Variants in DNAH8 observed in about 807,000 individuals in gnomAD.
DNAH8 encodes axonemal beta dynein heavy chain 8.
A neutral mutation model predicts 562.1 loss-of-function variants in DNAH8; 382 were observed. The ratio of observed to expected loss-of-function variants is 0.68; its 90% CI spans 0.63 to 0.74. The LOEUF (loss-of-function observed/expected upper bound fraction) is 0.74. DNAH8 is among the 30% of genes least tolerant of loss of function. The probability of loss-of-function intolerance (pLI) is 0.00; values close to 1 mark genes in which losing one functional copy is unlikely to be tolerated. For missense variants in DNAH8, 5,203 were observed against 5,620.4 expected (o/e 0.93, Z 2.37); for synonymous variants, 1,881 against 1,919.4 (o/e 0.98, Z 0.52).
At chr6:38,726,579 G>A (rs1241386458) in intron 3 of DNAH8, among the ~76,000 whole-genome samples, 1 of 152,226 alleles carries the variant, frequency 6.6e-6, no homozygotes, top group Admixed American at 6.5e-5. Context: ...CATTAAGGAA[G>A]AATCAAGCTG....
chr6:39,029,847 C>T (rs528792697), intron 92 of DNAH8, among the ~76,000 whole-genome samples: 28 of 152,264 alleles, frequency 1.8e-4, no homozygotes, highest in African/African-American at 6.3e-4. Context: ...AAGCCTGTTG[C>T]TCAGGGAGGC....
At chr6:39,001,362 C>T (rs1431300378) in intron 88 of DNAH8, among the ~76,000 whole-genome samples, 2 of 151,958 alleles carry the variant, frequency 1.3e-5, no homozygotes, top group Non-Finnish European at 2.9e-5. Flanking sequence ...TCATCATGTA[C>T]AGAATGACAA....
chr6:39,017,122 G>A (rs1292793999), intron 91 of DNAH8, among the ~76,000 whole-genome samples: 3 of 152,140 alleles, frequency 2.0e-5, no homozygotes, highest in African/African-American at 7.2e-5. Flanking sequence ...TCTGTGTGTG[G>A]ATTTGTCTCC....
At chr6:39,009,107 A>G (rs186430869) in intron 89 of DNAH8, 137 bp downstream of exon 89, 3 of 570,374 alleles carry the variant, frequency 5.3e-6, no homozygotes, top group Admixed American at 2.9e-5. Context: ...TTTTGACTAT[A>G]TTACTAAACT....
chr6:38,868,240 T>C, intron 48 of DNAH8, 44 bp downstream of exon 48: 1 of 1,561,054 alleles, frequency 6.4e-7, no homozygotes, highest in Non-Finnish European at 8.7e-7. Context: ...TTTAATATTG[T>C]TTCTTTCTAT....
Position 38,715,953 on chromosome 6 carries a change from TATATATA to T in DNAH8, c.-35+539_-35+545del, listed in dbSNP as rs1335842963. Among the ~76,000 whole-genome samples, 131 of 29,232 alleles carry T rather than the reference TATATATA, an allele frequency of 4.5e-3. 6 individuals carry two copies. Among genetic ancestry groups the T allele is most frequent in the South Asian group, 0.019 (15 of 806 alleles). The allele number at this position is 29,232 out of a possible 152,430, so 19.2% of individuals were successfully genotyped here. A position where few individuals can be genotyped will look rare whatever the true frequency, so the allele number is the denominator to read the frequency against. On this transcript the variant is annotated intron_variant, in intron 1 of 92. Transcript: ENST00000327475. Reference sequence around the variant, plus strand: ...ATATATATATATATATATATATATATATATATATTTTTTTTTTTTTTTTGAGACGGAG... The same window carrying T: ...ATATATATATATATATATATATATATTTTTTTTTTTTTTTTTGAGACGGAG...
rs201039935 is a variant in DNAH8 at position 38,923,153 on chromosome 6, G to C, written c.10758G>C (p.Gln3586His). 3.7e-6 allele frequency: 6 copies of C among 1,613,620 alleles called. No homozygotes were observed. The highest frequency in any genetic ancestry group is 1.3e-5 in the African/African-American group (1 of 74,902). ...GTGGAGAAAAAATCCGGTGGACCCA[G>C]CAAAGTAAAGAATTCAAAGCTCAGA... ...GLSGEKIRWTQQSKEFKAQIN... is the reference protein window; with the variant it reads ...GLSGEKIRWTHQSKEFKAQIN... The change falls in exon 72 of 93, where the codon CAG becomes CAC. Residue 3586 changes from glutamine to histidine, a missense_variant. Around this residue, in one of 6 missense-constraint regions of DNAH8, gnomAD observed 1,399 missense variants for 1,518.4 expected, o/e 0.92. Transcript: ENST00000327475.
At chr6:38,728,956 G>A (rs557010386) in intron 3 of DNAH8, among the ~76,000 whole-genome samples, 10 of 152,122 alleles carry the variant, frequency 6.6e-5, no homozygotes, top group African/African-American at 9.6e-5. Context: ...CTATAATCCC[G>A]GCATTTTGGG....
At chr6:38,841,635 A>T (rs762967168) in intron 33 of DNAH8, among the ~76,000 whole-genome samples, 3 of 152,168 alleles carry the variant, frequency 2.0e-5, no homozygotes, top group Non-Finnish European at 4.4e-5. Context: ...TGAGTGGTCA[A>T]TTTGGTGTTT....
intron 82 of DNAH8, among the ~76,000 whole-genome samples, chr6:38,959,871 A>T (rs1488872988): frequency 6.6e-6 from 1 of 152,108 alleles, no homozygotes; most frequent in East Asian, 1.9e-4. Context: ...AAAATGTACT[A>T]CAAAGCAATA....
At chr6:38,991,779 CCCT>C (rs1382239334) in intron 88 of DNAH8, among the ~76,000 whole-genome samples, 1 of 152,174 alleles carries the variant, frequency 6.6e-6, no homozygotes, top group East Asian at 1.9e-4. Flanking sequence ...CCTGGAACCT[CCCT>C]CCTCCTAGAT....
intron 88 of DNAH8, among the ~76,000 whole-genome samples, chr6:39,000,954 A>G (rs1765442447): frequency 6.6e-6 from 1 of 152,120 alleles, no homozygotes; most frequent in Non-Finnish European, 1.5e-5. Flanking sequence ...TACAAAGAAG[A>G]GGAACATAAT....
chr6:38,958,646 C>CAA (rs35382684), intron 82 of DNAH8, among the ~76,000 whole-genome samples: 1,809 of 58,674 alleles, frequency 0.031, 121 homozygotes, highest in African/African-American at 0.062. Flanking sequence ...AGTCTCCCAT[C>CAA]AAAAAAAAAA....
chr6:38,857,183 TAA>T (rs1484094664), intron 41 of DNAH8, among the ~76,000 whole-genome samples: 1 of 152,168 alleles, frequency 6.6e-6, no homozygotes, highest in East Asian at 1.9e-4. Flanking sequence ...AAGCAGATAA[TAA>T]AGAGTTCCTT....
chr6:38,975,768 C>T (rs1763626015), intron 85 of DNAH8, among the ~76,000 whole-genome samples: 1 of 152,226 alleles, frequency 6.6e-6, no homozygotes, highest in African/African-American at 2.4e-5. Flanking sequence ...GACCTTATCA[C>T]ATCCTAATAC....
Position 39,008,959 on chromosome 6 carries a change from A to G in DNAH8, c.13360A>G (p.Ile4454Val), listed in dbSNP as rs1465774199. The change falls in exon 89 of 93, where the codon ATT (isoleucine) becomes GTT (valine). Residue 4454 changes from isoleucine (I) to valine (V), a missense_variant. Ile to Val is a conservative substitution (Grantham distance 29, BLOSUM62 3). Around this residue, in one of 6 missense-constraint regions of DNAH8, gnomAD observed 1,399 missense variants for 1,518.4 expected, o/e 0.92. Transcript: ENST00000327475. ...GCTGAGTAAACTCCCTCCTGATTAC[A>G]TTCCTCATGAGGTAAGTCTTGCTGG... ...DMLSKLPPDY[I>V]PHEVKSRLIK... 1.2e-6 allele frequency: 2 copies of G among 1,608,570 alleles called. No individual in the cohort carries two copies. The highest frequency in any genetic ancestry group is 1.7e-6 in the Non-Finnish European group (2 of 1,175,940).
chr6:38,930,749 A>AC (rs2150575995), intron 75 of DNAH8, among the ~76,000 whole-genome samples: 1 of 152,286 alleles, frequency 6.6e-6, no homozygotes, highest in East Asian at 1.9e-4. Context: ...ATATATTTAA[A>AC]CTGTACAATG....
chr6:38,861,949 G>GTTTGTTT lies in DNAH8; in HGVS notation c.6132-328_6132-327insGTTTTTT, dbSNP rs71543946. On this transcript the variant is annotated intron_variant, in intron 43 of 92. Transcript: ENST00000327475. ...AGATATTGGCAAACATGAAAACCAG[G>GTTTGTTT]TTTTTTTTTTTTTTTTCTGGAGAGC... Among the ~76,000 whole-genome samples, 3 of 134,690 alleles carry GTTTGTTT rather than the reference G, an allele frequency of 2.2e-5. 1 individual carries two copies. Among genetic ancestry groups the GTTTGTTT allele is most frequent in the South Asian group, 2.3e-4 (1 of 4,262 alleles). The allele number at this position is 134,690 out of a possible 152,430, so 88.4% of individuals were successfully genotyped here.
chr6:38,741,982 C>A, intron 8 of DNAH8, 95 bp downstream of exon 8: 2 of 1,038,626 alleles, frequency 1.9e-6, no homozygotes, highest in Non-Finnish European at 1.4e-6. Context: ...ATACTGGAAT[C>A]GTGTTTAGAA....
Sources: allele counts gnomAD v4.1 joint callset (sites outside exome capture counted in the v4.1 genomes callset), GRCh38; gene constraint gnomAD v4.1.1; regional missense constraint gnomAD v4.1.1; transcripts MANE v1.5; gene names NCBI Gene and HGNC (gene_info 2026-07-23, HGNC 2026-07-21).